The following MPHOSPH9 variants were observed in gnomAD, a reference collection of about 807,000 sequenced individuals.
MPHOSPH9 encodes M-phase phosphoprotein 9.
MPHOSPH9 carries 88 observed loss-of-function variants against 145.5 expected under a neutral mutation model. The observed-to-expected ratio is 0.60, with a 90% CI of 0.51 to 0.72. MPHOSPH9 has a LOEUF of 0.72. Ranked by LOEUF, MPHOSPH9 falls within the 30% of genes least tolerant of loss-of-function variation. The pLI is 0.00. For missense variants in MPHOSPH9, 1,238 were observed against 1,386.6 expected, an observed-to-expected ratio of 0.89 and a Z score of 1.70; for synonymous variants, 435 against 486.2, an observed-to-expected ratio of 0.89 and a Z score of 1.39.
In MPHOSPH9 at chr12:123,221,868, CT is replaced by C; in HGVS notation, c.375del (p.Val126SerfsTer10). ...IQHIQEEIKN[L>X]VKLQTSSASL... ...GAAGCACTACTAGTCTGTAATTTGA[CT>C]AAATTTTTTATCTCCTCCTGTATAT... On this transcript the variant is annotated frameshift_variant, in exon 5 of 24. Coordinates refer to ENST00000606320, the MANE Select transcript of MPHOSPH9 (RefSeq NM_022782.4). LOFTEE classifies it high-confidence loss of function. 3 of 1,585,234 alleles carry C rather than the reference CT, an allele frequency of 1.9e-6. No homozygotes were observed. Among genetic ancestry groups the C allele is most frequent in the South Asian group, 2.3e-5 (2 of 87,558 alleles).
chr12:123,211,684 CTTTTT>C (rs147321517), intron 7 of MPHOSPH9, among the ~76,000 whole-genome samples: 1 of 67,754 alleles, frequency 1.5e-5, no homozygotes, highest in Admixed American at 2.1e-4. Flanking sequence ...TAGACAATTT[CTTTTT>C]TTTTTTTTTT....
chr12:123,241,147 T>G (rs75748846), intron 1 of MPHOSPH9, among the ~76,000 whole-genome samples: 21 of 150,048 alleles, frequency 1.4e-4, no homozygotes, highest in South Asian at 6.3e-4. Flanking sequence ...GGTTGTTTTT[T>G]TTTTGTTTTT....
chr12:123,209,508 G>C (rs2046604131), intron 8 of MPHOSPH9, among the ~76,000 whole-genome samples: 1 of 152,056 alleles, frequency 6.6e-6, no homozygotes. Context: ...CCAGGTTCAA[G>C]TGATTCTCCT....
chr12:123,218,585 G>C (rs2047069129), intron 5 of MPHOSPH9, 86 bp from the exon 6 acceptor site: 2 of 1,337,686 alleles, frequency 1.5e-6, no homozygotes, highest in Non-Finnish European at 2.1e-6. Flanking sequence ...GAGTACGGTG[G>C]CGCAATCTCA....
At chr12:123,215,578 C>G (rs1281351146) in intron 6 of MPHOSPH9, among the ~76,000 whole-genome samples, 4 of 151,982 alleles carry the variant, frequency 2.6e-5, no homozygotes, top group Non-Finnish European at 5.9e-5. Flanking sequence ...ATAATATGAG[C>G]CTTAAGTAGT....
In MPHOSPH9 at chr12:123,209,940, G is replaced by A. The variant is rs2046631000; in HGVS notation, c.1194+116C>T. 4.9e-5 allele frequency: 28 copies of A among 568,492 alleles called. No individual in the cohort carries two copies. The South Asian group carries it at 7.6e-4, about 15-fold the overall frequency. 35.2% of individuals were successfully genotyped at this position (568,492 alleles called of 1,614,324 possible). On this transcript the variant is annotated intron_variant, in intron 8 of 23. Coordinates refer to ENST00000606320, the MANE Select transcript of MPHOSPH9 (RefSeq NM_022782.4). ...TTTAGTAGAGACGGGGTTTCACCGT[G>A]TTAGCCAGGATGGTCTTGATCTCCT...
rs893856721 is a variant in MPHOSPH9, at chr12:123,230,382, A to G, written c.-18T>C. On this transcript the variant is annotated 5_prime_UTR_variant, in exon 2 of 24. It removes the in-frame stop codon of an upstream open reading frame in the 5' UTR. Transcript: ENST00000606320. Reference sequence around the variant, plus strand: ...TCTTCCATAGTGTACAGAAATTGTTATATTCTCTTATTGGAAAATAAAGGT... The same window carrying G: ...TCTTCCATAGTGTACAGAAATTGTTGTATTCTCTTATTGGAAAATAAAGGT... 2 of 1,413,728 alleles carry G rather than the reference A, an allele frequency of 1.4e-6. No individual in the cohort carries two copies. 87.6% of individuals were successfully genotyped at this position (1,413,728 alleles called of 1,614,324 possible).
rs546454573 is a variant in MPHOSPH9, at chr12:123,174,466, G to A, written c.2456+2222C>T. On this transcript the variant is annotated intron_variant, in intron 16 of 23. Transcript: ENST00000606320. ...TGGCTCCCTGCAAGCTCCGCCTCCC[G>A]GGTTCACGCCATTCTCCTGCCTCAG... Among the ~76,000 whole-genome samples, 673 of 150,298 alleles carry A rather than the reference G, an allele frequency of 4.5e-3. 5 individuals carry two copies. Among genetic ancestry groups the A allele is most frequent in the African/African-American group, 0.016 (642 of 41,118 alleles).
At chr12:123,177,358 A>G (rs1437390619) in intron 15 of MPHOSPH9, among the ~76,000 whole-genome samples, 1 of 151,936 alleles carries the variant, frequency 6.6e-6, no homozygotes, top group African/African-American at 2.4e-5. Context: ...GCATGGTGAA[A>G]CCCCCATCTC....
chr12:123,194,687 T>A, intron 12 of MPHOSPH9, 86 bp from the exon 13 acceptor site: 1 of 978,088 alleles, frequency 1.0e-6, no homozygotes, highest in Non-Finnish European at 1.4e-6. Flanking sequence ...AATGGCGCAA[T>A]CTTGGCCTAC....
At chr12:123,168,302 G>T (rs1255856825) in intron 16 of MPHOSPH9, among the ~76,000 whole-genome samples, 1 of 150,876 alleles carries the variant, frequency 6.6e-6, no homozygotes, top group Non-Finnish European at 1.5e-5. Context: ...ACCTCAAGCG[G>T]ACACCCCAAA....
chr12:123,208,873 T>C (rs11057192), intron 8 of MPHOSPH9, among the ~76,000 whole-genome samples: 97,566 of 151,854 alleles, frequency 0.64, 35,828 homozygotes, highest in East Asian at 1. Flanking sequence ...GTGTAAACTA[T>C]GATGCCCAGC....
At chr12:123,205,091 G>A (rs1168162656) in intron 8 of MPHOSPH9, among the ~76,000 whole-genome samples, 1 of 152,176 alleles carries the variant, frequency 6.6e-6, no homozygotes, top group Non-Finnish European at 1.5e-5. Context: ...TGAGATTACA[G>A]ATTCAACAAT....
intron 13 of MPHOSPH9, among the ~76,000 whole-genome samples, chr12:123,189,794 G>T (rs1488426763): frequency 6.6e-6 from 1 of 151,918 alleles, no homozygotes; most frequent in Non-Finnish European, 1.5e-5. Flanking sequence ...AAATCAGCCA[G>T]GTGTGGTGGC....
At chr12:123,194,261 T>A in intron 13 of MPHOSPH9, 125 bp downstream of exon 13, 1 of 673,602 alleles carries the variant, frequency 1.5e-6, no homozygotes, top group Non-Finnish European at 2.4e-6. Flanking sequence ...AGAGTGAGAC[T>A]CTGTCTCAAA....
chr12:123,213,367 A>T (rs1042707809), intron 7 of MPHOSPH9, among the ~76,000 whole-genome samples: 15 of 150,988 alleles, frequency 9.9e-5, no homozygotes, highest in African/African-American at 3.7e-4. Flanking sequence ...CTTGAGACAA[A>T]GTCTTGGTAT....
chr12:123,226,521 C>CTTTT (rs200868180), intron 3 of MPHOSPH9, among the ~76,000 whole-genome samples: 1 of 145,012 alleles, frequency 6.9e-6, no homozygotes, highest in Non-Finnish European at 1.5e-5. Context: ...TTTATATATA[C>CTTTT]TTTTTTTTTT....
intron 19 of MPHOSPH9, 39 bp downstream of exon 19, chr12:123,163,911 C>T (rs1202914413): frequency 5.6e-6 from 9 of 1,609,808 alleles, no homozygotes; most frequent in Admixed American, 5.0e-5. Flanking sequence ...TCAGAGATCA[C>T]GCTTTTGAAC....
chr12:123,181,252 C>A, intron 13 of MPHOSPH9, 42 bp from the exon 14 acceptor site: 1 of 1,554,522 alleles, frequency 6.4e-7, no homozygotes, highest in Non-Finnish European at 8.9e-7. Flanking sequence ...CAAAATTAAA[C>A]GTTATTCTAT....
Sources: gnomAD v4.1 joint callset for allele counts (sites outside exome capture counted in the v4.1 genomes callset) on GRCh38, gnomAD v4.1.1 for gene constraint, MANE v1.5 for transcripts, NCBI Gene and HGNC (gene_info 2026-07-23, HGNC 2026-07-21) for gene names.